GOLPH3: variants seen among roughly 807,000 people sequenced by gnomAD.
The protein encoded by GOLPH3 is coat protein GPP34.
A neutral mutation model predicts 28.5 loss-of-function variants in GOLPH3; 14 were observed. The ratio of observed to expected loss-of-function variants is 0.49; its 90% confidence interval spans 0.32 to 0.77. The LOEUF (loss-of-function observed/expected upper bound fraction) is 0.77. GOLPH3 is among the 30% of genes least tolerant of loss of function. GOLPH3 has a pLI of 0.03. For missense variants in GOLPH3, 350 were observed against 393.7 expected, an observed-to-expected ratio of 0.89 and a Z score of 0.94; for synonymous variants, 158 against 159.2, an observed-to-expected ratio of 0.99 and a Z score of 0.06.
rs948185485 is a variant in GOLPH3, at chr5:32,174,309, C to T, written c.-275G>A. 6.2e-6 allele frequency: 2 copies of T among 321,054 alleles called. No individual in the cohort carries two copies. The highest frequency in any genetic ancestry group is 3.0e-4 in the South Asian group (2 of 6,604). The allele number at this position is 321,054 out of a possible 1,614,324, so 19.9% of individuals were successfully genotyped here. A position where few individuals can be genotyped will look rare whatever the true frequency, so the allele number is the denominator to read the frequency against. On this transcript the variant is annotated 5_prime_UTR_variant, in exon 1 of 4. Coordinates refer to ENST00000265070, the MANE Select transcript of GOLPH3 (RefSeq NM_022130.4). Reference sequence around the variant, plus strand: ...TCCAAGGCGGAGGCGGCGGCGGCGCCTTTCCAATATGGCGGCCCCGGCTGA... The same window carrying T: ...TCCAAGGCGGAGGCGGCGGCGGCGCTTTTCCAATATGGCGGCCCCGGCTGA...
intron 2 of GOLPH3, among the ~76,000 whole-genome samples, chr5:32,141,750 C>T (rs1422002998): frequency 6.6e-6 from 1 of 152,162 alleles, no homozygotes; most frequent in Admixed American, 6.5e-5. Context: ...TGCAGGCGCG[C>T]GCCGCCACGC....
Position 32,126,300 on chromosome 5 carries a change from T to A in GOLPH3, c.809A>T (p.Gln270Leu). The change falls in exon 4 of 4, where the codon CAG (glutamine) becomes CTG (leucine). Residue 270 changes from glutamine to leucine, a missense_variant. Physicochemically the swap from Gln to Leu is moderately radical, Grantham distance 113 (BLOSUM62 -2). Transcript: ENST00000265070. ...CACTTCAGGGTCTAAGTCGAGAAGC[T>A]GCCGCACTCTCTTGGTAGCCAAATC... The part of the protein sequence containing the change: ...QYDLATKRVR[Q>L]LLDLDPEVEC... 1 of 1,614,188 alleles carries A rather than the reference T, an allele frequency of 6.2e-7. No homozygotes were observed. The highest frequency in any genetic ancestry group is 8.5e-7 in the Non-Finnish European group (1 of 1,180,030).
intron 3 of GOLPH3, among the ~76,000 whole-genome samples, chr5:32,130,024 G>A (rs1446663998): frequency 1.3e-5 from 2 of 152,058 alleles, no homozygotes; most frequent in African/African-American, 4.8e-5. Flanking sequence ...TGTATTTTTA[G>A]TAGAGATGGG....
intron 3 of GOLPH3, among the ~76,000 whole-genome samples, chr5:32,132,049 G>A (rs1412314672): frequency 6.6e-6 from 1 of 152,172 alleles, no homozygotes; most frequent in Non-Finnish European, 1.5e-5. Flanking sequence ...CCAGCTACTT[G>A]GGAGGCTAAG....
chr5:32,129,137 G>A (rs1462521102), intron 3 of GOLPH3, among the ~76,000 whole-genome samples: 3 of 152,112 alleles, frequency 2.0e-5, no homozygotes, highest in East Asian at 3.8e-4. Context: ...AGCCGAGATT[G>A]CACCACTGCA....
At chr5:32,150,368 A>C (rs1336089556) in intron 1 of GOLPH3, among the ~76,000 whole-genome samples, 4 of 151,780 alleles carry the variant, frequency 2.6e-5, no homozygotes, top group Non-Finnish European at 5.9e-5. Flanking sequence ...TCCCAATAAA[A>C]ATAGCAACAG....
intron 1 of GOLPH3, among the ~76,000 whole-genome samples, chr5:32,152,046 A>C (rs1746320209): frequency 6.6e-6 from 1 of 152,212 alleles, no homozygotes; most frequent in Admixed American, 6.5e-5. Context: ...ATGACGGCAC[A>C]GTGTGAATCT....
intron 1 of GOLPH3, among the ~76,000 whole-genome samples, chr5:32,157,998 T>C (rs990235352): frequency 1.2e-5 from 1 of 86,402 alleles, no homozygotes; most frequent in African/African-American, 4.8e-5. Flanking sequence ...AATAAATAAA[T>C]AAATAAATAA....
At position 32,165,644 on chromosome 5, in the gene GOLPH3, G is replaced by A. The variant is rs911962090; in HGVS notation, c.225+8166C>T. On this transcript the variant is annotated intron_variant, in intron 1 of 3. Coordinates refer to ENST00000265070, the MANE Select transcript of GOLPH3 (RefSeq NM_022130.4). ...AATTTAGTTTTGTAGTTTACTATAT[G>A]AGCTTTGACACACAGAACTAAAATG... is the stretch of plus-strand genomic sequence containing the variant. Among the ~76,000 whole-genome samples, 4 of 152,120 alleles carry A rather than the reference G, an allele frequency of 2.6e-5. No individual in the cohort carries two copies. The South Asian group carries it at 8.3e-4, about 31-fold the overall frequency.
intron 2 of GOLPH3, among the ~76,000 whole-genome samples, chr5:32,136,052 G>A (rs1561660482): frequency 6.6e-6 from 1 of 152,156 alleles, no homozygotes; most frequent in Non-Finnish European, 1.5e-5. Flanking sequence ...GTGCACGCCT[G>A]TAATCCCAGC....
chr5:32,162,215 A>G (rs1414931620), intron 1 of GOLPH3, among the ~76,000 whole-genome samples: 1 of 150,948 alleles, frequency 6.6e-6, no homozygotes, highest in Non-Finnish European at 1.5e-5. Context: ...TTTTAAGGCC[A>G]GGCGTGGTGG....
intron 1 of GOLPH3, among the ~76,000 whole-genome samples, chr5:32,158,489 T>C (rs1382357099): frequency 2.6e-5 from 4 of 152,110 alleles, no homozygotes; most frequent in Admixed American, 2.0e-4. Flanking sequence ...ACAGTTACCA[T>C]CATACAAGAG....
At chr5:32,129,048 A>G (rs1745764118) in intron 3 of GOLPH3, among the ~76,000 whole-genome samples, 1 of 151,898 alleles carries the variant, frequency 6.6e-6, no homozygotes, top group African/African-American at 2.4e-5. Flanking sequence ...CAGGCATGGT[A>G]GCAGGTGGCT....
chr5:32,128,653 C>T (rs2111833567), intron 3 of GOLPH3, among the ~76,000 whole-genome samples: 1 of 152,102 alleles, frequency 6.6e-6, no homozygotes, highest in Admixed American at 6.5e-5. Context: ...AAGAGTGAAA[C>T]TCCATCTCAC....
At chr5:32,149,542 G>T (rs1431267271) in intron 1 of GOLPH3, among the ~76,000 whole-genome samples, 1 of 152,072 alleles carries the variant, frequency 6.6e-6, no homozygotes, top group Non-Finnish European at 1.5e-5. Flanking sequence ...ATTCTATAAA[G>T]TCACTTCTGA....
intron 1 of GOLPH3, among the ~76,000 whole-genome samples, chr5:32,159,768 T>C (rs1316362199): frequency 6.6e-6 from 1 of 152,168 alleles, no homozygotes; most frequent in East Asian, 1.9e-4. Context: ...CCTAGTAAAA[T>C]ATCATCACCT....
intron 3 of GOLPH3, among the ~76,000 whole-genome samples, chr5:32,130,875 T>C (rs1280975323): frequency 1.3e-5 from 2 of 152,230 alleles, no homozygotes; most frequent in Non-Finnish European, 2.9e-5. Flanking sequence ...TTGCAACCAG[T>C]GGAAATACAT....
At chr5:32,129,055 G>A (rs1444332630) in intron 3 of GOLPH3, among the ~76,000 whole-genome samples, 2 of 152,094 alleles carry the variant, frequency 1.3e-5, no homozygotes, top group East Asian at 1.9e-4. Context: ...GGTAGCAGGT[G>A]GCTGTAATCC....
intron 1 of GOLPH3, among the ~76,000 whole-genome samples, chr5:32,173,375 C>T (rs973535492): frequency 1.8e-4 from 27 of 151,962 alleles, no homozygotes; most frequent in African/African-American, 5.5e-4. Context: ...CAAGCAGATC[C>T]GGGCACCCCT....
Sources: gnomAD v4.1 joint callset for allele counts (sites outside exome capture counted in the v4.1 genomes callset) on GRCh38, gnomAD v4.1.1 for gene constraint, MANE v1.5 for transcripts, NCBI Gene and HGNC (gene_info 2026-07-23, HGNC 2026-07-21) for gene names.